Variants in TACC2 observed in about 807,000 individuals in gnomAD.
TACC2 encodes the protein transforming acidic coiled-coil containing protein 2, also known as transforming acidic coiled-coil-containing protein 2.
In TACC2, 137 loss-of-function variants were observed where a neutral mutation model predicts 227.3. The ratio of observed to expected loss-of-function variants is 0.60; its 90% CI spans 0.52 to 0.69. TACC2 has a LOEUF of 0.69. TACC2 is among the 30% of genes least tolerant of loss of function. The pLI is 0.00. For missense variants in TACC2, 3,470 were observed against 3,694.4 expected (o/e 0.94, Z 1.57); for synonymous variants, 1,523 against 1,487.5 (o/e 1.02, Z -0.55).
At chr10:122,167,347 G>A (rs1013554534) in intron 7 of TACC2, among the ~76,000 whole-genome samples, 2 of 152,230 alleles carry the variant, frequency 1.3e-5, no homozygotes, top group African/African-American at 4.8e-5. Flanking sequence ...GATGAGATGG[G>A]GGAGGGAAGA....
intron 8 of TACC2, among the ~76,000 whole-genome samples, chr10:122,207,659 G>T (rs960942945): frequency 3.9e-5 from 6 of 152,244 alleles, no homozygotes; most frequent in Non-Finnish European, 8.8e-5. Flanking sequence ...AGGTTTCCTG[G>T]TTCATGATGA....
At position 122,085,338 on chromosome 10, in the gene TACC2, G is replaced by A. The variant is rs766415831; in HGVS notation, c.2838G>A (p.Glu946=). ...GACAGAAGTTGCCTGCACTAGGGGA[G>A]AAGCGGCCAGAGGGAGCATGCGGTG... ...PTRQKLPALG[E]KRPEGACGDG... The change falls in exon 4 of 23, where the codon GAG becomes GAA. Residue 946 remains glutamate (E), a synonymous_variant. Transcript: ENST00000369005. 1.1e-5 allele frequency: 18 copies of A among 1,614,074 alleles called. No homozygotes were observed. The East Asian group carries it at 1.6e-4, about 14-fold the overall frequency.
At chr10:122,067,414 C>T (rs1223127878) in intron 3 of TACC2, among the ~76,000 whole-genome samples, 2 of 151,050 alleles carry the variant, frequency 1.3e-5, no homozygotes, top group Admixed American at 6.6e-5. Context: ...TTCTTTTTTT[C>T]TCTGGCTACT....
intron 16 of TACC2, among the ~76,000 whole-genome samples, chr10:122,234,223 C>T (rs547244489): frequency 3.9e-5 from 6 of 152,346 alleles, no homozygotes; most frequent in Non-Finnish European, 7.3e-5. Context: ...AAGGGGGCTA[C>T]GATGCCACCC....
intron 1 of TACC2, among the ~76,000 whole-genome samples, chr10:122,016,231 C>A (rs957016091): frequency 4.0e-5 from 6 of 148,516 alleles, no homozygotes; most frequent in African/African-American, 1.5e-4. Context: ...CACTGCACTC[C>A]AGCCTGGGTG....
chr10:122,129,886 G>C (rs1175550351), intron 5 of TACC2, among the ~76,000 whole-genome samples: 3 of 152,196 alleles, frequency 2.0e-5, no homozygotes, highest in African/African-American at 7.2e-5. Flanking sequence ...GTGCACACAT[G>C]TGCTAGTCCA....
At chr10:122,026,850 C>T (rs574043623) in intron 2 of TACC2, among the ~76,000 whole-genome samples, 88 of 152,016 alleles carry the variant, frequency 5.8e-4, no homozygotes, top group Non-Finnish European at 1.0e-3. Context: ...CTGAATGTAC[C>T]GGTTTATTGA....
chr10:122,176,117 C>CTCTCTCTATA (rs1447382017), intron 7 of TACC2, among the ~76,000 whole-genome samples: 79 of 54,640 alleles, frequency 1.4e-3, no homozygotes, highest in Non-Finnish European at 2.3e-3. Context: ...CTCTCTCTCT[C>CTCTCTCTATA]TATATATATA....
In TACC2 at chr10:122,249,615, G is replaced by A. The variant is rs1186937744; in HGVS notation, c.8732G>A (p.Arg2911Gln). The change falls in exon 22 of 23, where the codon CGG becomes CAG. Residue 2911 changes from arginine to glutamine, a missense_variant. Physicochemically the swap from Arg to Gln is conservative, Grantham distance 43. Transcript: ENST00000369005. Reference sequence around the variant, plus strand: ...CAAGCCGCCCACCAGGCCAGCCTGCGGAAGGAGCAGCTGCGAGTGGACGCC... The same window carrying A: ...CAAGCCGCCCACCAGGCCAGCCTGCAGAAGGAGCAGCTGCGAGTGGACGCC... ...QEQAAHQASLRKEQLRVDALE... is the reference protein window; with the variant it reads ...QEQAAHQASLQKEQLRVDALE... 17 of 1,613,834 alleles carry A rather than the reference G, an allele frequency of 1.1e-5. No individual in the cohort carries two copies. The highest frequency in any genetic ancestry group is 4.5e-5 in the East Asian group (2 of 44,868).
intron 5 of TACC2, among the ~76,000 whole-genome samples, chr10:122,092,205 C>G (rs1023810014): frequency 6.6e-6 from 1 of 152,184 alleles, no homozygotes; most frequent in Admixed American, 6.5e-5. Flanking sequence ...TGAATTCTTT[C>G]TCTGCTAAAA....
At chr10:122,138,586 A>G (rs1170723238) in intron 6 of TACC2, among the ~76,000 whole-genome samples, 1 of 152,250 alleles carries the variant, frequency 6.6e-6, no homozygotes, top group Non-Finnish European at 1.5e-5. Context: ...GGATCTCCCA[A>G]AAGTCTTCTC....
chr10:122,087,373 G>A lies in TACC2; in HGVS notation c.4873G>A (p.Gly1625Arg). The A allele has an allele frequency of 6.2e-7, 1 of 1,614,070 alleles. No homozygotes were observed. The highest frequency in any genetic ancestry group is 1.7e-5 in the Admixed American group (1 of 60,036). Residue 1625 changes from glycine to arginine, a missense_variant, in exon 4 of 23, where the codon GGA (glycine) becomes AGA (arginine). Transcript: ENST00000369005. ...PGDFAHTGVP[G>R]HVPRSTCAPS... The stretch of plus-strand genomic sequence containing the variant: ...GGACTTTGCTCACACAGGGGTTCCA[G>A]GACATGTGCCAAGGTCCACGTGTGC...
chr10:122,033,154 G>A, intron 2 of TACC2: 1 of 1,289,142 alleles, frequency 7.8e-7, no homozygotes, highest in African/African-American at 1.5e-5. Context: ...GCCCACACAG[G>A]TACTGGGGAA....
intron 8 of TACC2, among the ~76,000 whole-genome samples, chr10:122,206,259 C>A (rs376349444): frequency 6.6e-6 from 1 of 152,194 alleles, no homozygotes; most frequent in African/African-American, 2.4e-5. Flanking sequence ...TTCCTGGGAG[C>A]CCCCTGTCAT....
At chr10:122,248,621 G>A in intron 19 of TACC2, 22 bp from the exon 20 acceptor site, 1 of 1,612,082 alleles carries the variant, frequency 6.2e-7, no homozygotes, top group Non-Finnish European at 8.5e-7. Context: ...TCCATCATTT[G>A]GCTCCTGGTC....
rs2080228009 is a variant in TACC2 at position 122,087,607 on chromosome 10, G to A, written c.5107G>A (p.Gly1703Arg). ...GCCTGGCAAGGTGGCAGGCGCTGCT[G>A]GGGAAGCAGAGGGTGACATCACCCT... ...LEPGKVAGAA[G>R]EAEGDITLST... is the part of the protein sequence containing the mutation. Residue 1703 changes from glycine (G) to arginine (R), a missense_variant, in exon 4 of 23, where the codon GGG (glycine) becomes AGG (arginine). This residue lies in a region of TACC2 where 1,924 missense variants were observed against 1,978.3 expected (regional missense o/e 0.97). Transcript: ENST00000369005. 5.6e-6 allele frequency: 9 copies of A among 1,613,596 alleles called. No homozygotes were observed. The highest frequency in any genetic ancestry group is 7.6e-6 in the Non-Finnish European group (9 of 1,180,014).
At chr10:122,246,470 C>G (rs929539409) in intron 19 of TACC2, 1 of 152,262 alleles carries the variant, frequency 6.6e-6, no homozygotes, top group African/African-American at 2.4e-5. Flanking sequence ...ACTAAGGGAG[C>G]TGCATCCTCC....
At chr10:122,216,935 C>T (rs1216845956) in intron 11 of TACC2, 107 bp downstream of exon 11, 1 of 1,591,582 alleles carries the variant, frequency 6.3e-7, no homozygotes, top group East Asian at 2.3e-5. Context: ...ACCACGTGAT[C>T]ATCATTGTGA....
chr10:122,171,350 G>C (rs759472983), intron 7 of TACC2, among the ~76,000 whole-genome samples: 3 of 151,760 alleles, frequency 2.0e-5, no homozygotes, highest in African/African-American at 7.3e-5. Context: ...AGGTAGGGGG[G>C]TGGAGGTAGG....
Sources: allele counts gnomAD v4.1 joint callset (sites outside exome capture counted in the v4.1 genomes callset), GRCh38; gene constraint gnomAD v4.1.1; regional missense constraint gnomAD v4.1.1; transcripts MANE v1.5; gene names NCBI Gene and HGNC (gene_info 2026-07-23, HGNC 2026-07-21).